UNC13C: variants seen among roughly 807,000 people sequenced by gnomAD.
The protein encoded by UNC13C is unc-13 homolog C, also known as protein unc-13 homolog C.
In UNC13C, 174 loss-of-function variants were observed where a neutral mutation model predicts 245.4. The ratio of observed to expected loss-of-function variants is 0.71; its 90% CI spans 0.63 to 0.80. The LOEUF is 0.80. Among genes scored for constraint, UNC13C ranks in the 30% least tolerant of loss-of-function variants. The pLI is 0.00. For synonymous variants in UNC13C, 992 were observed against 895.1 expected, an observed-to-expected ratio of 1.11 and a Z score of -1.93; for missense variants, 2,829 against 2,602.9, an observed-to-expected ratio of 1.09 and a Z score of -1.89.
chr15:54,463,000 G>T (rs927538252), intron 19 of UNC13C, among the ~76,000 whole-genome samples: 12 of 151,960 alleles, frequency 7.9e-5, no homozygotes, highest in African/African-American at 2.9e-4. Flanking sequence ...CTAGCTTGGG[G>T]GTTTGTGGAT....
chr15:53,879,644 G>A, the UNC13C span, among the ~76,000 whole-genome samples: 5 of 151,644 alleles, frequency 3.3e-5, no homozygotes, highest in Non-Finnish European at 5.9e-5. Context: ...GCTGGAGTGC[G>A]GTGGCACTAT....
At chr15:54,391,658 A>AT (rs929918939) in intron 17 of UNC13C, among the ~76,000 whole-genome samples, 7 of 151,350 alleles carry the variant, frequency 4.6e-5, no homozygotes, top group Admixed American at 1.3e-4. Flanking sequence ...TCAGCCACTA[A>AT]TTTTTTTTTA....
chr15:54,465,345 T>C (rs1050222590), intron 19 of UNC13C, among the ~76,000 whole-genome samples: 1 of 152,094 alleles, frequency 6.6e-6, no homozygotes, highest in Non-Finnish European at 1.5e-5. Flanking sequence ...CTCTGAATGC[T>C]GAATTTAAAT....
the UNC13C span, among the ~76,000 whole-genome samples, chr15:53,941,773 G>C: frequency 6.6e-6 from 1 of 152,120 alleles, no homozygotes; most frequent in Non-Finnish European, 1.5e-5. Context: ...TCTCCCAAAA[G>C]AGGACATTCA....
the UNC13C span, among the ~76,000 whole-genome samples, chr15:53,922,523 G>T: frequency 6.6e-6 from 1 of 151,888 alleles, no homozygotes; most frequent in Non-Finnish European, 1.5e-5. Flanking sequence ...TTGGTCTTTC[G>T]TACTTACCTC....
At chr15:54,372,082 A>G (rs2140884456) in intron 17 of UNC13C, among the ~76,000 whole-genome samples, 1 of 152,222 alleles carries the variant, frequency 6.6e-6, no homozygotes, top group South Asian at 2.1e-4. Context: ...TAGCTAAGAG[A>G]GTAGATTTTA....
At chr15:54,105,872 G>T (rs1900419288) in intron 2 of UNC13C, among the ~76,000 whole-genome samples, 1 of 152,200 alleles carries the variant, frequency 6.6e-6, no homozygotes, top group South Asian at 2.1e-4. Flanking sequence ...TTATTTTATG[G>T]CTTTTGACTA....
intron 20 of UNC13C, among the ~76,000 whole-genome samples, chr15:54,497,605 A>G (rs915487878): frequency 2.3e-4 from 35 of 152,194 alleles, no homozygotes; most frequent in Admixed American, 1.2e-3. Flanking sequence ...GAGATTGGGA[A>G]CTAAGTAGAT....
At chr15:54,410,764 G>T (rs920661425) in intron 18 of UNC13C, among the ~76,000 whole-genome samples, 5 of 152,010 alleles carry the variant, frequency 3.3e-5, no homozygotes, top group African/African-American at 9.7e-5. Context: ...CTGCAGCCTT[G>T]TAGTATAATT....
At chr15:54,199,660 C>T (rs1423636630) in intron 4 of UNC13C, among the ~76,000 whole-genome samples, 1 of 152,064 alleles carries the variant, frequency 6.6e-6, no homozygotes, top group African/African-American at 2.4e-5. Flanking sequence ...TTGCCACTAC[C>T]AAGACAGCAC....
chr15:53,971,186 C>T, the UNC13C span, among the ~76,000 whole-genome samples: 1 of 152,084 alleles, frequency 6.6e-6, no homozygotes, highest in African/African-American at 2.4e-5. Context: ...GTTGGCAAAC[C>T]ACACAATGGA....
intron 18 of UNC13C, among the ~76,000 whole-genome samples, chr15:54,403,715 CA>C (rs771818988): frequency 0.048 from 2,710 of 56,730 alleles, 22 homozygotes; most frequent in African/African-American, 0.14. Context: ...GAACCTGTCT[CA>C]AAAAAAAAAA....
intron 1 of UNC13C, among the ~76,000 whole-genome samples, chr15:54,006,493 C>A (rs913055676): frequency 6.6e-6 from 1 of 151,992 alleles, no homozygotes; most frequent in African/African-American, 2.4e-5. Flanking sequence ...TAAAGTAAGG[C>A]AAAAAACTAA....
At chr15:54,049,128 G>T in intron 2 of UNC13C, 1 of 376,146 alleles carries the variant, frequency 2.7e-6, no homozygotes, top group South Asian at 2.4e-5. Context: ...TTTCAAGATT[G>T]CATCCTTACG....
At chr15:53,920,891 A>G in the UNC13C span, among the ~76,000 whole-genome samples, 5 of 151,136 alleles carry the variant, frequency 3.3e-5, no homozygotes, top group African/African-American at 1.2e-4. Flanking sequence ...ACAAATAAAT[A>G]ATAAATCACA....
In UNC13C at chr15:54,076,377, C is replaced by T. The variant is rs185231353; in HGVS notation, c.2983+60491C>T. Among the ~76,000 whole-genome samples the T allele has an allele frequency of 6.4e-4, 96 of 150,054 alleles. 3 individuals carry two copies. In the South Asian group the frequency reaches 8.9e-3, roughly 14 times the overall value. ...TGCGGTGTTTGGTTTTTTGTTCTTG[C>T]GATAGTTTACTGAGAATGATGGTTT... On this transcript the variant is annotated intron_variant, in intron 2 of 32. Transcript: ENST00000260323.
At chr15:54,435,390 T>C (rs2040961206) in intron 19 of UNC13C, among the ~76,000 whole-genome samples, 1 of 151,944 alleles carries the variant, frequency 6.6e-6, no homozygotes, top group African/African-American at 2.4e-5. Context: ...ATGGAATACA[T>C]ACAGCCATAA....
intron 14 of UNC13C, among the ~76,000 whole-genome samples, chr15:54,330,612 C>A (rs1163601090): frequency 1.3e-5 from 2 of 151,976 alleles, no homozygotes; most frequent in Non-Finnish European, 2.9e-5. Context: ...CTTTGATAAT[C>A]GTCTAAATGA....
At chr15:54,139,863 G>C (rs1279033703) in intron 2 of UNC13C, among the ~76,000 whole-genome samples, 1 of 151,928 alleles carries the variant, frequency 6.6e-6, no homozygotes, top group African/African-American at 2.4e-5. Context: ...TGTGGAACTT[G>C]GTGGCATATG....
Sources: gnomAD v4.1 joint callset for allele counts (sites outside exome capture counted in the v4.1 genomes callset) on GRCh38, gnomAD v4.1.1 for gene constraint, MANE v1.5 for transcripts, NCBI Gene and HGNC (gene_info 2026-07-23, HGNC 2026-07-21) for gene names.